WWC2: variants seen among roughly 807,000 people sequenced by gnomAD.
WWC2 encodes the protein protein WWC2.
WWC2 carries 101 observed loss-of-function variants against 138.5 expected under a neutral mutation model. That is an observed-to-expected ratio of 0.73 (90% CI 0.62 to 0.86). WWC2 has a LOEUF of 0.86. Among genes scored for constraint, WWC2 ranks in the 40% least tolerant of loss-of-function variants. The probability of loss-of-function intolerance (pLI) is 0.00; values close to 1 mark genes in which losing one functional copy is unlikely to be tolerated. For synonymous variants in WWC2, 558 were observed against 538.4 expected (o/e 1.04, Z -0.50); for missense variants, 1,420 against 1,419.4 (o/e 1.00, Z -0.01).
rs1294575371 is a variant in WWC2, at chr4:183,211,300, G to A, written c.522+2275G>A. On this transcript the variant is annotated intron_variant, in intron 4 of 22. Coordinates refer to ENST00000403733, the MANE Select transcript of WWC2 (RefSeq NM_024949.6). Reference sequence around the variant, plus strand: ...TCAAGACCAGCCTGGGCATCATAACGAGACATAATCTCTATTAAAATTAAA... The same window carrying A: ...TCAAGACCAGCCTGGGCATCATAACAAGACATAATCTCTATTAAAATTAAA... Among the ~76,000 whole-genome samples, 8 of 152,256 alleles carry A rather than the reference G, an allele frequency of 5.3e-5. 1 individual carries two copies. The South Asian group carries it at 1.0e-3, about 20-fold the overall frequency.
At chr4:183,256,318 T>G (rs749068411) in intron 9 of WWC2, among the ~76,000 whole-genome samples, 2 of 152,224 alleles carry the variant, frequency 1.3e-5, no homozygotes, top group Non-Finnish European at 2.9e-5. Context: ...GTAGTTCACA[T>G]GTCCAGAAGA....
At chr4:183,219,552 A>G (rs924545655) in intron 4 of WWC2, among the ~76,000 whole-genome samples, 7 of 152,236 alleles carry the variant, frequency 4.6e-5, no homozygotes, top group Admixed American at 2.0e-4. Flanking sequence ...AAAAATGCCT[A>G]TTTAAACAAA....
intron 4 of WWC2, among the ~76,000 whole-genome samples, chr4:183,236,956 T>C (rs1736446037): frequency 1.3e-5 from 2 of 152,156 alleles, no homozygotes; most frequent in Admixed American, 6.5e-5. Flanking sequence ...AGCAGGGTTG[T>C]TCAATCTTTT....
intron 5 of WWC2, among the ~76,000 whole-genome samples, chr4:183,242,638 T>G (rs1736659682): frequency 6.6e-6 from 1 of 152,162 alleles, no homozygotes; most frequent in South Asian, 2.1e-4. Flanking sequence ...CATATACAGA[T>G]TCTGTGAAAA....
intron 21 of WWC2, among the ~76,000 whole-genome samples, chr4:183,302,519 ATCTC>A (rs147282861): frequency 6.6e-6 from 1 of 151,536 alleles, no homozygotes; most frequent in Non-Finnish European, 1.5e-5. Flanking sequence ...GTCGACGTCG[ATCTC>A]TCTCTCTCTC....
intron 9 of WWC2, among the ~76,000 whole-genome samples, chr4:183,254,548 G>A (rs559906898): frequency 1.4e-4 from 21 of 152,302 alleles, no homozygotes; most frequent in African/African-American, 4.8e-4. Context: ...TCTCTGGGAA[G>A]GTGTGAGTTG....
At chr4:183,181,198 T>A (rs1734622999) in intron 1 of WWC2, among the ~76,000 whole-genome samples, 1 of 152,226 alleles carries the variant, frequency 6.6e-6, no homozygotes, top group Admixed American at 6.5e-5. Flanking sequence ...TAAAATGCCC[T>A]GTGATGCTAA....
At chr4:183,307,294 CAACTT>C (rs908476953) in intron 21 of WWC2, among the ~76,000 whole-genome samples, 10 of 152,124 alleles carry the variant, frequency 6.6e-5, no homozygotes, top group African/African-American at 2.2e-4. Flanking sequence ...AAATGAAAAA[CAACTT>C]AATCAAAATT....
Position 183,312,539 on chromosome 4 carries a change from G to C in WWC2, c.3512+71G>C, listed in dbSNP as rs1739292651. On this transcript the variant is annotated intron_variant, in intron 22 of 22. Transcript: ENST00000403733. The stretch of plus-strand genomic sequence containing the variant: ...TCTGATTGTGTAGGAATTCACCTCA[G>C]TGCAGTGAAAGTTAATATGAGGATC... 9.4e-5 allele frequency: 149 copies of C among 1,593,482 alleles called. 1 individual carries two copies. In the South Asian group the frequency reaches 1.6e-3, roughly 18 times the overall value.
chr4:183,166,845 C>T (rs962381527), intron 1 of WWC2, among the ~76,000 whole-genome samples: 14 of 152,164 alleles, frequency 9.2e-5, no homozygotes, highest in Non-Finnish European at 1.3e-4. Flanking sequence ...AAAAGGTAAT[C>T]TCTCAGCTCT....
At chr4:183,221,799 A>G (rs1052315148) in intron 4 of WWC2, among the ~76,000 whole-genome samples, 2 of 152,206 alleles carry the variant, frequency 1.3e-5, no homozygotes, top group Admixed American at 6.5e-5. Context: ...ATACATTGCT[A>G]TGGGAATGCA....
At chr4:183,167,029 C>T (rs1734148228) in intron 1 of WWC2, among the ~76,000 whole-genome samples, 1 of 152,100 alleles carries the variant, frequency 6.6e-6, no homozygotes, top group Non-Finnish European at 1.5e-5. Context: ...TGTATGACGT[C>T]ATATATGGAT....
chr4:183,118,728 A>G (rs933630331), intron 1 of WWC2, among the ~76,000 whole-genome samples: 1 of 152,196 alleles, frequency 6.6e-6, no homozygotes, highest in Admixed American at 6.5e-5. Context: ...GTGAATAATC[A>G]TCAGACACAT....
chr4:183,150,410 A>G (rs1387896449), intron 1 of WWC2, among the ~76,000 whole-genome samples: 1 of 152,206 alleles, frequency 6.6e-6, no homozygotes, highest in Non-Finnish European at 1.5e-5. Flanking sequence ...TTAGATTTGC[A>G]TCTTAAACAG....
intron 1 of WWC2, among the ~76,000 whole-genome samples, chr4:183,127,413 T>C (rs6825419): frequency 0.042 from 6,458 of 152,212 alleles, 166 homozygotes; most frequent in African/African-American, 0.069. Flanking sequence ...ATATCACTTA[T>C]ATGTGGAATC....
chr4:183,113,729 A>G (rs533504736), intron 1 of WWC2, among the ~76,000 whole-genome samples: 4 of 151,598 alleles, frequency 2.6e-5, no homozygotes, highest in South Asian at 4.2e-4. Context: ...ATCTTATTTT[A>G]AAAAAGAGAT....
At chr4:183,285,903 C>T in intron 19 of WWC2, 64 bp from the exon 20 acceptor site, 1 of 1,457,286 alleles carries the variant, frequency 6.9e-7, no homozygotes, top group African/African-American at 1.4e-5. Flanking sequence ...TGTCTCAATC[C>T]CAAACTTCCA....
chr4:183,204,877 G>GTGT (rs1236122677), intron 2 of WWC2, among the ~76,000 whole-genome samples: 1 of 152,120 alleles, frequency 6.6e-6, no homozygotes, highest in Non-Finnish European at 1.5e-5. Flanking sequence ...GTGGTCTTTT[G>GTGT]TGTCTGGCAT....
chr4:183,251,915 TATC>T (rs1183743901), intron 8 of WWC2, among the ~76,000 whole-genome samples: 1 of 152,248 alleles, frequency 6.6e-6, no homozygotes, highest in South Asian at 2.1e-4. Context: ...AAGCTAATAA[TATC>T]ATGCTTATTT....
Sources: gnomAD v4.1 joint callset for allele counts (sites outside exome capture counted in the v4.1 genomes callset) on GRCh38, gnomAD v4.1.1 for gene constraint, MANE v1.5 for transcripts, NCBI Gene and HGNC (gene_info 2026-07-23, HGNC 2026-07-21) for gene names.